Variants in TTC31 observed in about 807,000 individuals in gnomAD.
TTC31 encodes the protein tetratricopeptide repeat domain 31, also known as tetratricopeptide repeat protein 31.
In TTC31, 59 loss-of-function variants were observed where a neutral mutation model predicts 60.4. That is an observed-to-expected ratio of 0.98 (90% CI 0.79 to 1.21). TTC31 has a LOEUF of 1.21. Ranked by LOEUF, TTC31 falls within the 50% of genes most tolerant of loss-of-function variation. The probability of loss-of-function intolerance (pLI) is 0.00; values close to 1 mark genes in which losing one functional copy is unlikely to be tolerated. For missense variants in TTC31, 672 were observed against 646.9 expected (o/e 1.04, Z -0.42); for synonymous variants, 225 against 249.6 (o/e 0.90, Z 0.93).
chr2:74,493,085 G>T lies in TTC31; in HGVS notation c.1427G>T (p.Cys476Phe), dbSNP rs772901967. Residue 476 changes from cysteine to phenylalanine, a missense_variant, in exon 13 of 13, where the codon TGT (cysteine) becomes TTT (phenylalanine). Physicochemically the swap from Cys to Phe is radical, Grantham distance 205. Transcript: ENST00000233623. ...GLSPLLHYPS[C>F]HRSHPNQPLS... is the part of the protein sequence containing the mutation. ...TCTCCACTCTTGCATTATCCTTCATGTCACCGAAGCCACCCCAACCAGCCC... is the reference window on the plus strand; with the variant it reads ...TCTCCACTCTTGCATTATCCTTCATTTCACCGAAGCCACCCCAACCAGCCC... 1 of 1,614,056 alleles carries T rather than the reference G, an allele frequency of 6.2e-7. No individual in the cohort carries two copies. Among genetic ancestry groups the T allele is most frequent in the East Asian group, 2.2e-5 (1 of 44,882 alleles).
At chr2:74,484,680 A>G (rs1215233296) in intron 2 of TTC31, among the ~76,000 whole-genome samples, 4 of 151,972 alleles carry the variant, frequency 2.6e-5, no homozygotes, top group African/African-American at 9.7e-5. Flanking sequence ...CATGGTCTCG[A>G]TCTCTTGACC....
In TTC31 at chr2:74,483,129, A is replaced by G. The variant is rs1672616317; in HGVS notation, c.34A>G (p.Lys12Glu). The G allele has an allele frequency of 6.2e-7, 1 of 1,614,222 alleles. No homozygotes were observed. ...APIPKTVGRI[K>E]LDCSLRPSCP... Reference sequence around the variant, plus strand: ...GATTCCAAAGACTGTGGGGCGGATCAAGCTAGGTGAGCGGTATGACAAGAC... The same window carrying G: ...GATTCCAAAGACTGTGGGGCGGATCGAGCTAGGTGAGCGGTATGACAAGAC... Residue 12 changes from lysine to glutamate, a missense_variant, in exon 1 of 13, where the codon AAG becomes GAG. Physicochemically the swap from Lys to Glu is moderately conservative, Grantham distance 56 (BLOSUM62 1). Transcript: ENST00000233623.
chr2:74,490,586 G>T, intron 4 of TTC31, 70 bp from the exon 5 acceptor site: 1 of 1,560,766 alleles, frequency 6.4e-7, no homozygotes, highest in South Asian at 1.2e-5. Context: ...TATACTGCCT[G>T]CCCCCTTTCA....
chr2:74,491,818 C>T, intron 8 of TTC31, 146 bp downstream of exon 8: 1 of 1,360,832 alleles, frequency 7.3e-7, no homozygotes, highest in Non-Finnish European at 1.0e-6. Flanking sequence ...CAGGCCCCAT[C>T]ACTGTCACCA....
intron 7 of TTC31, 40 bp downstream of exon 7, chr2:74,491,415 TTCC>T (rs779444144): frequency 2.3e-5 from 37 of 1,612,970 alleles, no homozygotes; most frequent in Non-Finnish European, 2.9e-5. Flanking sequence ...TCTGCTCATT[TTCC>T]TCCTCCTCCT....
intron 8 of TTC31, 112 bp downstream of exon 8, chr2:74,491,784 C>A: frequency 6.9e-7 from 1 of 1,441,242 alleles, no homozygotes; most frequent in Non-Finnish European, 9.5e-7. Context: ...AGTTCTCTGG[C>A]TCTAGGGTCA....
Position 74,490,103 on chromosome 2 carries a change from G to A in TTC31, c.208G>A (p.Gly70Arg), listed in dbSNP as rs371823661. The change falls in exon 3 of 13, where the codon GGG becomes AGG. Residue 70 changes from glycine (G) to arginine (R), a missense_variant. Physicochemically the swap from Gly to Arg is moderately radical, Grantham distance 125. Transcript: ENST00000233623. The stretch of plus-strand genomic sequence containing the variant: ...CCGGATCCATGTGGATGGGAGCAGC[G>A]GGCGGCTGCAGCTGTGGCACCATGG... ...LHRIHVDGSS[G>R]RLQLWHHDYL... 6.0e-5 allele frequency: 95 copies of A among 1,593,520 alleles called. No homozygotes were observed. In the African/African-American group the frequency reaches 1.0e-3, roughly 18 times the overall value.
Position 74,483,372 on chromosome 2 carries a change from C to T in TTC31, c.91C>T (p.Leu31Phe), listed in dbSNP as rs753089585. 3.7e-6 allele frequency: 6 copies of T among 1,614,232 alleles called. No homozygotes were observed. In the Admixed American group the frequency reaches 6.7e-5, roughly 18 times the overall value. Residue 31 changes from leucine to phenylalanine, a missense_variant, in exon 2 of 13, where the codon CTT (leucine) becomes TTT (phenylalanine). Physicochemically the swap from Leu to Phe is conservative, Grantham distance 22. Transcript: ENST00000233623. ...CPLEVAAAPK[L>F]CKEFGPEDYG... ...ACTGGAGGTCGCTGCTGCACCCAAACTTTGCAAGGAATTCGGTCCAGAGGA... is the reference window on the plus strand; with the variant it reads ...ACTGGAGGTCGCTGCTGCACCCAAATTTTGCAAGGAATTCGGTCCAGAGGA...
intron 8 of TTC31, 156 bp downstream of exon 8, chr2:74,491,828 A>G (rs1269902029): frequency 5.8e-6 from 8 of 1,382,384 alleles, no homozygotes; most frequent in Non-Finnish European, 6.0e-6. Flanking sequence ...CACTGTCACC[A>G]TGACCCCGGG....
chr2:74,485,638 T>C (rs1673017732), intron 2 of TTC31, among the ~76,000 whole-genome samples: 1 of 150,632 alleles, frequency 6.6e-6, no homozygotes, highest in Non-Finnish European at 1.5e-5. Context: ...GCCTGGCTAA[T>C]TTTTTGTATT....
intron 4 of TTC31, 77 bp downstream of exon 4, chr2:74,490,550 C>T: frequency 6.5e-7 from 1 of 1,529,700 alleles, no homozygotes; most frequent in Non-Finnish European, 8.9e-7. Context: ...ATATTCTCCC[C>T]TAATTGGTAC....
chr2:74,490,442 C>T lies in TTC31; in HGVS notation c.431C>T (p.Ala144Val), dbSNP rs773200985. ...PSVSDSLLQVAMPQKLLVTEE... is the reference protein window; with the variant it reads ...PSVSDSLLQVVMPQKLLVTEE... ...GTCTCAGACAGCCTGCTTCAGGTGG[C>T]CATGCCCCAGAAGCTCCTGGTGACA... Residue 144 changes from alanine to valine, a missense_variant, in exon 4 of 13, where the codon GCC (alanine) becomes GTC (valine). Ala to Val is a moderately conservative substitution (Grantham distance 64, BLOSUM62 0). Transcript: ENST00000233623. The T allele has an allele frequency of 5.6e-6, 9 of 1,612,370 alleles. No homozygotes were observed. Among genetic ancestry groups the T allele is most frequent in the Non-Finnish European group, 5.1e-6 (6 of 1,179,332 alleles).
Position 74,491,773 on chromosome 2 carries a change from G to A in TTC31, c.876+101G>A, listed in dbSNP as rs755785247. On this transcript the variant is annotated intron_variant, in intron 8 of 12. Coordinates refer to ENST00000233623, the MANE Select transcript of TTC31 (RefSeq NM_022492.6). ...TAAGGATTGACACAGGGTCCAGTGGGAGTTCTCTGGCTCTAGGGTCAAGAG... is the reference window on the plus strand; with the variant it reads ...TAAGGATTGACACAGGGTCCAGTGGAAGTTCTCTGGCTCTAGGGTCAAGAG... 7.5e-6 allele frequency: 11 copies of A among 1,464,820 alleles called. No individual in the cohort carries two copies. In the African/African-American group the frequency reaches 8.4e-5, roughly 11 times the overall value. 90.7% of individuals were successfully genotyped at this position (1,464,820 alleles called of 1,614,324 possible).
At position 74,483,326 on chromosome 2, in the gene TTC31, C is replaced by T. The variant is rs373770296; in HGVS notation, c.45C>T (p.Cys15=). Residue 15 remains cysteine (C), a synonymous_variant, in exon 2 of 13, where the codon TGC becomes TGT. Coordinates refer to ENST00000233623, the MANE Select transcript of TTC31 (RefSeq NM_022492.6). ...PKTVGRIKLD[C]SLRPSCPLEV... ...CTCCGCCTTCCTTTCCTGTAGACTG[C>T]TCTCTACGGCCCAGCTGCCCACTGG... 1.2e-6 allele frequency: 2 copies of T among 1,614,048 alleles called. No homozygotes were observed. Among genetic ancestry groups the T allele is most frequent in the Non-Finnish European group, 1.7e-6 (2 of 1,180,058 alleles).
intron 11 of TTC31, 72 bp from the exon 12 acceptor site, chr2:74,492,574 C>A: frequency 6.3e-7 from 1 of 1,580,996 alleles, no homozygotes; most frequent in South Asian, 1.1e-5. Flanking sequence ...GGAGCAGGGG[C>A]CAGTTTTAGA....
At chr2:74,491,216 A>C (rs369054036) in intron 6 of TTC31, 32 bp downstream of exon 6, 7 of 1,614,050 alleles carry the variant, frequency 4.3e-6, no homozygotes, top group Non-Finnish European at 5.9e-6. Context: ...TAAGAGCACC[A>C]AGTGCCAGGA....
chr2:74,485,357 G>T (rs1438601097), intron 2 of TTC31, among the ~76,000 whole-genome samples: 1 of 151,372 alleles, frequency 6.6e-6, no homozygotes, highest in Non-Finnish European at 1.5e-5. Flanking sequence ...CTTGACAGAA[G>T]CCCCTCATTT....
At chr2:74,491,953 T>C (rs1673946850) in intron 8 of TTC31, 51 bp from the exon 9 acceptor site, 2 of 1,613,492 alleles carry the variant, frequency 1.2e-6, no homozygotes, top group Middle Eastern at 3.3e-4. Context: ...GGAGAAGGAT[T>C]TGGGGAGGCT....
intron 2 of TTC31, among the ~76,000 whole-genome samples, chr2:74,485,758 C>A (rs922735294): frequency 6.6e-6 from 1 of 152,050 alleles, no homozygotes; most frequent in African/African-American, 2.4e-5. Flanking sequence ...GCGTGAGCCA[C>A]CGCACCTGGC....
Sources: allele counts gnomAD v4.1 joint callset (sites outside exome capture counted in the v4.1 genomes callset), GRCh38; gene constraint gnomAD v4.1.1; transcripts MANE v1.5; gene names NCBI Gene and HGNC (gene_info 2026-07-23, HGNC 2026-07-21).